The following TECTA variants were observed in gnomAD, a reference collection of about 807,000 sequenced individuals.
TECTA encodes the protein alpha-tectorin.
Under a neutral mutation model 216.8 loss-of-function variants are expected in TECTA, and 128 were observed. That is an observed-to-expected ratio of 0.59 (90% CI 0.51 to 0.68). The LOEUF is 0.68. Ranked by LOEUF, TECTA falls within the 30% of genes least tolerant of loss-of-function variation. TECTA has a pLI of 0.00. For missense variants in TECTA, 2,551 were observed against 2,786.2 expected (o/e 0.92, Z 1.90); for synonymous variants, 1,089 against 1,117.1 (o/e 0.97, Z 0.50).
At position 121,157,026 on chromosome 11, in the gene TECTA, C is replaced by A. The variant is rs188349932; in HGVS notation, c.4306-815C>A. On this transcript the variant is annotated intron_variant, in intron 13 of 23. Transcript: ENST00000392793. ...AAGTAAATTGGAAGCAGACTAGACA[C>A]AAGGAAGGGTGAGGATTGTGAAATG... 2.4e-4 allele frequency among the ~76,000 whole-genome samples: 37 copies of A among 152,166 alleles called. 1 individual carries two copies. Among genetic ancestry groups the A allele is most frequent in the Middle Eastern group, 6.8e-3 (2 of 294 alleles).
chr11:121,170,080 C>T (rs1947095991), intron 20 of TECTA, among the ~76,000 whole-genome samples: 1 of 152,138 alleles, frequency 6.6e-6, no homozygotes. Flanking sequence ...TTTAAGCTCC[C>T]ACATGTGAGT....
At position 121,168,156 on chromosome 11, in the gene TECTA, T is replaced by A. The variant is rs1456101655; in HGVS notation, c.5689T>A (p.Ser1897Thr). ...GGACCGCACGATCAATGTGGAATTT[T>A]CATGTGCTTATGAGCTGGATATCAA... ...TRDRTINVEF[S>T]CAYELDIKIS... Residue 1897 changes from serine (S) to threonine (T), a missense_variant, in exon 19 of 24, where the codon TCA becomes ACA. Coordinates refer to ENST00000392793, the MANE Select transcript of TECTA (RefSeq NM_005422.4). 1 of 1,614,226 alleles carries A rather than the reference T, an allele frequency of 6.2e-7. No homozygotes were observed. Among genetic ancestry groups the A allele is most frequent in the South Asian group, 1.1e-5 (1 of 91,086 alleles).
chr11:121,147,262 G>A (rs188909702), intron 12 of TECTA, among the ~76,000 whole-genome samples: 208 of 152,260 alleles, frequency 1.4e-3, no homozygotes, highest in Non-Finnish European at 1.2e-3. Context: ...ATGCAGCAGG[G>A]TCCCCAGAGA....
At chr11:121,154,004 T>A (rs892585133) in intron 13 of TECTA, among the ~76,000 whole-genome samples, 1 of 152,216 alleles carries the variant, frequency 6.6e-6, no homozygotes, top group African/African-American at 2.4e-5. Context: ...AAGCACGTCC[T>A]CTGCCTTGAG....
In TECTA at chr11:121,105,215, C is replaced by T. The variant is rs554961742; in HGVS notation, c.65-616C>T. On this transcript the variant is annotated intron_variant, in intron 2 of 23. Transcript: ENST00000392793. This position sits in a 1 kb window ranked among gnomAD's most constrained non-coding sequence, Gnocchi z 5.3. ...TCTCAAGGACCCAACCCTCTGACCC[C>T]GGAGGATCTCATGTCTGTCTTTTGT... 6.6e-6 allele frequency among the ~76,000 whole-genome samples: 1 copy of T among 152,296 alleles called. No homozygotes were observed. The highest frequency in any genetic ancestry group is 2.1e-4 in the South Asian group (1 of 4,818).
intron 18 of TECTA, among the ~76,000 whole-genome samples, chr11:121,167,089 A>G (rs989173410): frequency 1.3e-5 from 2 of 152,104 alleles, no homozygotes; most frequent in African/African-American, 4.8e-5. Context: ...GCAAATACAT[A>G]TAGGCTTAGC....
rs1946421533 is a variant in TECTA, at chr11:121,109,286, G to T, written c.274G>T (p.Gly92Trp). Reference protein sequence around the residue: ...FTPESFPLTDGRAFVAPFWAD... With the variant: ...FTPESFPLTDWRAFVAPFWAD... ...GCCAGAATCCTTTCCCCTGACAGAT[G>T]GGAGAGCCTTCGTCGCCCCATTTTG... Residue 92 changes from glycine (G) to tryptophan (W), a missense_variant, in exon 4 of 24, where the codon GGG (glycine) becomes TGG (tryptophan). Around this residue, in one of 3 missense-constraint regions of TECTA, gnomAD observed 2,375 missense variants for 2,563.9 expected, o/e 0.93. Transcript: ENST00000392793. 4 of 1,614,160 alleles carry T rather than the reference G, an allele frequency of 2.5e-6. No homozygotes were observed. Among genetic ancestry groups the T allele is most frequent in the Non-Finnish European group, 3.4e-6 (4 of 1,180,018 alleles).
rs1169070115 is a variant in TECTA at position 121,113,031 on chromosome 11, G to A, written c.487-41G>A. On this transcript the variant is annotated intron_variant, in intron 4 of 23. Coordinates refer to ENST00000392793, the MANE Select transcript of TECTA (RefSeq NM_005422.4). The surrounding 1 kb of genome is among the most constrained non-coding windows in gnomAD (Gnocchi z 4.2). ...GACCTCCTTGGGGCCAGGACCTCCTGGGGAGTGCAAGTCATGAGACTGCGC... is the reference window on the plus strand; with the variant it reads ...GACCTCCTTGGGGCCAGGACCTCCTAGGGAGTGCAAGTCATGAGACTGCGC... 1.2e-6 allele frequency: 2 copies of A among 1,613,264 alleles called. No individual in the cohort carries two copies. The highest frequency in any genetic ancestry group is 4.5e-5 in the East Asian group (2 of 44,870).
chr11:121,102,711 G>C lies in TECTA; in HGVS notation c.46G>C (p.Ala16Pro), dbSNP rs149919658. The change falls in exon 2 of 24, where the codon GCA (alanine) becomes CCA (proline). Residue 16 changes from alanine to proline, a missense_variant. Ala to Pro is a conservative substitution (Grantham distance 27). Coordinates refer to ENST00000392793, the MANE Select transcript of TECTA (RefSeq NM_005422.4). ...FLRIWVSFIFALVQHQAQPRE... is the reference protein window; with the variant it reads ...FLRIWVSFIFPLVQHQAQPRE... Reference sequence around the variant, plus strand: ...TAGAATTTGGGTCTCTTTCATCTTCGCACTTGTACAGCACCAAGGTGAGTA... The same window carrying C: ...TAGAATTTGGGTCTCTTTCATCTTCCCACTTGTACAGCACCAAGGTGAGTA... 3.1e-6 allele frequency: 5 copies of C among 1,613,312 alleles called. No homozygotes were observed. The African/African-American group carries it at 5.4e-5, about 17-fold the overall frequency.
At chr11:121,149,964 G>A (rs1045131712) in intron 12 of TECTA, among the ~76,000 whole-genome samples, 6 of 152,200 alleles carry the variant, frequency 3.9e-5, no homozygotes, top group Non-Finnish European at 5.9e-5. Flanking sequence ...AGTGTGAAAC[G>A]TGGTGTTTAT....
At chr11:121,179,958 TTTTG>T (rs1264701156) in intron 20 of TECTA, among the ~76,000 whole-genome samples, 32 of 150,304 alleles carry the variant, frequency 2.1e-4, no homozygotes, top group East Asian at 1.4e-3. Context: ...TTTGAGTTTT[TTTTG>T]TTTGTTTGTT....
At chr11:121,136,153 G>T (rs956726967) in intron 10 of TECTA, among the ~76,000 whole-genome samples, 1 of 151,998 alleles carries the variant, frequency 6.6e-6, no homozygotes, top group Non-Finnish European at 1.5e-5. Context: ...GTAGAGATGG[G>T]GTTTCACCAT....
At chr11:121,142,828 C>T (rs1946797664) in intron 11 of TECTA, among the ~76,000 whole-genome samples, 1 of 152,166 alleles carries the variant, frequency 6.6e-6, no homozygotes, top group Admixed American at 6.5e-5. Context: ...GGCCGCTCTT[C>T]CTGTGCCACC....
intron 9 of TECTA, 94 bp downstream of exon 9, chr11:121,128,438 C>A: frequency 8.4e-7 from 1 of 1,194,486 alleles, no homozygotes; most frequent in Non-Finnish European, 1.2e-6. Context: ...CTGCCTCTGC[C>A]TATGAGTGGA....
intron 20 of TECTA, among the ~76,000 whole-genome samples, chr11:121,172,486 A>G (rs546427531): frequency 1.3e-5 from 2 of 152,052 alleles, no homozygotes; most frequent in Admixed American, 6.5e-5. Context: ...ATGATTTCCA[A>G]TTTCATCCAT....
At chr11:121,136,345 G>T (rs933463641) in intron 10 of TECTA, among the ~76,000 whole-genome samples, 8 of 152,136 alleles carry the variant, frequency 5.3e-5, no homozygotes, top group Non-Finnish European at 8.8e-5. Flanking sequence ...ACTTGGCTTT[G>T]TGGGTGGGGG....
chr11:121,178,169 C>T lies in TECTA; in HGVS notation c.5999+9244C>T, dbSNP rs569331186. ...GCCTCGCCCTGCTTCGGCTCGTGCA[C>T]GGTGCACTGCACCCACTGTCCTGCG... On this transcript the variant is annotated intron_variant, in intron 20 of 23. Transcript: ENST00000392793. Among the ~76,000 whole-genome samples, 96 of 152,340 alleles carry T rather than the reference C, an allele frequency of 6.3e-4. 1 individual carries two copies. The highest frequency in any genetic ancestry group is 2.2e-3 in the African/African-American group (90 of 41,572).
chr11:121,167,576 A>T (rs1298441523), intron 18 of TECTA, among the ~76,000 whole-genome samples: 1 of 152,216 alleles, frequency 6.6e-6, no homozygotes, highest in Non-Finnish European at 1.5e-5. Flanking sequence ...TCTTCTATTC[A>T]TGGCTCTATT....
intron 4 of TECTA, 129 bp downstream of exon 4, chr11:121,109,627 T>A: frequency 8.7e-7 from 1 of 1,145,630 alleles, no homozygotes; most frequent in Non-Finnish European, 1.3e-6. Context: ...AACTAATGAG[T>A]TTTGCTACCC....
Sources: gnomAD v4.1 joint callset for allele counts (sites outside exome capture counted in the v4.1 genomes callset) on GRCh38, gnomAD v4.1.1 for gene constraint, gnomAD v4.1.1 regional missense constraint, Gnocchi (gnomAD v3.1) non-coding constraint, MANE v1.5 for transcripts, NCBI Gene and HGNC (gene_info 2026-07-23, HGNC 2026-07-21) for gene names.